Variants in ROBO2 observed in about 807,000 individuals in gnomAD.
ROBO2 encodes roundabout homolog 2.
ROBO2 carries 53 observed loss-of-function variants against 160.8 expected under a neutral mutation model. The observed-to-expected ratio is 0.33, with a 90% CI of 0.26 to 0.41. The LOEUF is 0.41. ROBO2 is among the 10% of genes least tolerant of loss of function. The pLI is 1.00. For synonymous variants in ROBO2, 664 were observed against 611.7 expected, an observed-to-expected ratio of 1.09 and a Z score of -1.26; for missense variants, 1,577 against 1,722.4, an observed-to-expected ratio of 0.92 and a Z score of 1.49.
At chr3:76,448,977 A>T (rs1435551133) in intron 2 of ROBO2, among the ~76,000 whole-genome samples, 1 of 107,170 alleles carries the variant, frequency 9.3e-6, no homozygotes, top group South Asian at 3.6e-4. Flanking sequence ...CAAGGGATAC[A>T]TTCTTACAAA....
intron 2 of ROBO2, among the ~76,000 whole-genome samples, chr3:76,439,620 G>T (rs891677454): frequency 2.0e-5 from 3 of 152,112 alleles, no homozygotes; most frequent in Admixed American, 1.3e-4. Context: ...CAAAACAACT[G>T]CATTGCTTGT....
At chr3:76,871,913 A>C (rs113400107) in intron 2 of ROBO2, among the ~76,000 whole-genome samples, 1 of 152,348 alleles carries the variant, frequency 6.6e-6, no homozygotes, top group Admixed American at 6.5e-5. Context: ...TAAACCTGGC[A>C]GAAATAATGA....
chr3:76,449,927 T>C (rs2077391543), intron 2 of ROBO2, among the ~76,000 whole-genome samples: 1 of 152,148 alleles, frequency 6.6e-6, no homozygotes, highest in African/African-American at 2.4e-5. Flanking sequence ...AAAATGTTTT[T>C]GACCCTGGAA....
rs116329949 is a variant in ROBO2, at chr3:77,521,771, G to C, written c.807-1004G>C. On this transcript the variant is annotated intron_variant, in intron 5 of 25. Coordinates refer to ENST00000461745, the Ensembl canonical transcript of ROBO2. ...TGGGTTATTCTTCTAGCTAAATCTA[G>C]AAGTAGAAGACATCTGGTTATGGCA... is the stretch of plus-strand genomic sequence containing the variant. Among the ~76,000 whole-genome samples the C allele has an allele frequency of 6.1e-3, 929 of 151,372 alleles. 5 individuals carry two copies. The highest frequency in any genetic ancestry group is 8.5e-3 in the Non-Finnish European group (576 of 67,488).
At chr3:76,682,180 G>T (rs1020268555) in intron 2 of ROBO2, among the ~76,000 whole-genome samples, 18 of 151,876 alleles carry the variant, frequency 1.2e-4, no homozygotes, top group Admixed American at 9.9e-4. Flanking sequence ...GTAGAGAAGG[G>T]GAAAGAAAAA....
Position 76,673,518 on chromosome 3 carries a change from G to A in ROBO2, c.110-424496G>A, listed in dbSNP as rs1336574372. Among the ~76,000 whole-genome samples the A allele has an allele frequency of 2.0e-5, 3 of 152,126 alleles. No homozygotes were observed. The East Asian group carries it at 5.8e-4, about 29-fold the overall frequency. On this transcript the variant is annotated intron_variant, in intron 2 of 26. Coordinates refer to the ROBO2 transcript ENST00000487694. ...ATACGCTTCTATGCTTCAACTTTCA[G>A]AACCATTCATATGTTTTAAAATGTT...
chr3:76,117,261 A>T (rs2070510390), intron 2 of ROBO2, among the ~76,000 whole-genome samples: 1 of 152,182 alleles, frequency 6.6e-6, no homozygotes, highest in Non-Finnish European at 1.5e-5. Flanking sequence ...TTGTCATGAT[A>T]ATATTGCCAC....
intron 2 of ROBO2, among the ~76,000 whole-genome samples, chr3:76,209,920 T>A (rs542549991): frequency 1.3e-5 from 2 of 152,212 alleles, no homozygotes; most frequent in Admixed American, 1.3e-4. Flanking sequence ...AATTTGACTT[T>A]TTATGAATCA....
Position 76,262,536 on chromosome 3 carries a change from G to A in ROBO2, c.109+324934G>A, listed in dbSNP as rs187877870. 5.3e-5 allele frequency among the ~76,000 whole-genome samples: 8 copies of A among 152,094 alleles called. No individual in the cohort carries two copies. The East Asian group carries it at 5.8e-4, about 11-fold the overall frequency. ...GTAGAACCTTGGGTCTTATTTTTCTGGACTGCTCCTTTACTCTCCATTTTG... is the reference window on the plus strand; with the variant it reads ...GTAGAACCTTGGGTCTTATTTTTCTAGACTGCTCCTTTACTCTCCATTTTG... On this transcript the variant is annotated intron_variant, in intron 2 of 26. Transcript: ENST00000487694.
intron 2 of ROBO2, among the ~76,000 whole-genome samples, chr3:77,434,793 A>C (rs1023286405): frequency 1.3e-5 from 2 of 152,104 alleles, no homozygotes; most frequent in African/African-American, 4.8e-5. Flanking sequence ...TAAATTGTGT[A>C]CCATATTACC....
At chr3:76,242,938 A>T (rs1019105449) in intron 2 of ROBO2, among the ~76,000 whole-genome samples, 2 of 152,054 alleles carry the variant, frequency 1.3e-5, no homozygotes, top group African/African-American at 4.8e-5. Context: ...CAAAACAAAC[A>T]AACAAATCCT....
At chr3:77,457,315 C>T (rs1412120564) in intron 2 of ROBO2, among the ~76,000 whole-genome samples, 2 of 151,998 alleles carry the variant, frequency 1.3e-5, no homozygotes, top group Admixed American at 6.6e-5. Flanking sequence ...TTTTTTCTTT[C>T]TGTGAGCTCT....
chr3:76,027,488 A>G (rs962348537), intron 2 of ROBO2, among the ~76,000 whole-genome samples: 1 of 152,014 alleles, frequency 6.6e-6, no homozygotes, highest in South Asian at 2.1e-4. Flanking sequence ...CCTCTTTCCT[A>G]AAGAGCAACC....
At chr3:77,496,817 C>T (rs1303032238) in intron 5 of ROBO2, among the ~76,000 whole-genome samples, 2 of 152,078 alleles carry the variant, frequency 1.3e-5, no homozygotes, top group African/African-American at 2.4e-5. Context: ...TCTGTGCCAA[C>T]CTTTCAGTAA....
At chr3:76,360,696 A>G (rs570879782) in intron 2 of ROBO2, among the ~76,000 whole-genome samples, 116 of 152,178 alleles carry the variant, frequency 7.6e-4, no homozygotes, top group African/African-American at 2.7e-3. Flanking sequence ...CATATGATCT[A>G]GTTCTGGTCA....
At chr3:77,383,037 C>T (rs1240302620) in intron 2 of ROBO2, among the ~76,000 whole-genome samples, 1 of 152,032 alleles carries the variant, frequency 6.6e-6, no homozygotes, top group Admixed American at 6.6e-5. Context: ...AAGTTTCTTG[C>T]TGCTAGGAAG....
intron 2 of ROBO2, among the ~76,000 whole-genome samples, chr3:75,960,539 C>T (rs1024672867): frequency 1.4e-4 from 21 of 151,594 alleles, no homozygotes; most frequent in African/African-American, 4.4e-4. Context: ...AATATTTTAT[C>T]GGTTAATAAA....
At chr3:76,527,185 T>C (rs932168895) in intron 2 of ROBO2, among the ~76,000 whole-genome samples, 1 of 152,094 alleles carries the variant, frequency 6.6e-6, no homozygotes, top group Non-Finnish European at 1.5e-5. Context: ...GAAAAAATGG[T>C]ATATTGCACG....
intron 2 of ROBO2, among the ~76,000 whole-genome samples, chr3:76,877,685 C>T (rs1405852855): frequency 6.6e-6 from 1 of 152,198 alleles, no homozygotes; most frequent in Non-Finnish European, 1.5e-5. Context: ...TTGGCTCCAG[C>T]TGCCATAGCA....
Sources: allele counts gnomAD v4.1 joint callset (sites outside exome capture counted in the v4.1 genomes callset), GRCh38; gene constraint gnomAD v4.1.1; transcripts MANE v1.5; gene names NCBI Gene and HGNC (gene_info 2026-07-23, HGNC 2026-07-21).